Variants in LRRC4C observed in about 807,000 individuals in gnomAD.
The protein encoded by LRRC4C is leucine rich repeat containing 4C.
Under a neutral mutation model 33.6 loss-of-function variants are expected in LRRC4C, and 5 were observed. That is an observed-to-expected ratio of 0.15 (90% CI 0.08 to 0.31). The LOEUF (loss-of-function observed/expected upper bound fraction) is 0.31, where lower values mean the gene tolerates loss of function less well. Ranked by LOEUF, LRRC4C falls within the 10% of genes least tolerant of loss-of-function variation. The probability of loss-of-function intolerance (pLI) is 1.00; values close to 1 mark genes in which losing one functional copy is unlikely to be tolerated. For missense variants in LRRC4C, 560 were observed against 796.7 expected, an observed-to-expected ratio of 0.70 and a Z score of 3.58; for synonymous variants, 329 against 302.0, an observed-to-expected ratio of 1.09 and a Z score of -0.93.
At chr11:40,522,041 G>C (rs1955837162) in intron 3 of LRRC4C, among the ~76,000 whole-genome samples, 1 of 152,142 alleles carries the variant, frequency 6.6e-6, no homozygotes. Flanking sequence ...AGACAAAAGA[G>C]CAAGAGTTTC....
intron 1 of LRRC4C, among the ~76,000 whole-genome samples, chr11:41,451,627 G>C (rs1201482463): frequency 6.6e-6 from 1 of 152,090 alleles, no homozygotes; most frequent in East Asian, 1.9e-4. Flanking sequence ...GCATCAACCA[G>C]ATGAACACAG....
intron 1 of LRRC4C, among the ~76,000 whole-genome samples, chr11:40,965,328 C>A (rs1042937208): frequency 2.6e-5 from 4 of 152,078 alleles, no homozygotes; most frequent in African/African-American, 9.7e-5. Flanking sequence ...TGCCTGTTCA[C>A]TCTGATGGTG....
chr11:41,323,400 A>G (rs953114587), intron 1 of LRRC4C, among the ~76,000 whole-genome samples: 1 of 152,236 alleles, frequency 6.6e-6, no homozygotes, highest in Non-Finnish European at 1.5e-5. Flanking sequence ...TCTGATTTAA[A>G]GACTATATTA....
intron 2 of LRRC4C, among the ~76,000 whole-genome samples, chr11:40,792,082 G>A (rs1950645198): frequency 6.6e-6 from 1 of 151,986 alleles, no homozygotes; most frequent in East Asian, 1.9e-4. Flanking sequence ...TAAGCATCAA[G>A]AACCAGCAAA....
intron 3 of LRRC4C, among the ~76,000 whole-genome samples, chr11:40,408,642 T>C (rs1950045755): frequency 6.6e-6 from 1 of 151,970 alleles, no homozygotes; most frequent in Non-Finnish European, 1.5e-5. Context: ...TGTTTTTATA[T>C]GCCCCAAAAT....
intron 3 of LRRC4C, among the ~76,000 whole-genome samples, chr11:40,386,325 C>T (rs1949110181): frequency 6.6e-6 from 1 of 152,040 alleles, no homozygotes; most frequent in Non-Finnish European, 1.5e-5. Context: ...ACTTCTTGAC[C>T]TTAAGAATCA....
intron 1 of LRRC4C, among the ~76,000 whole-genome samples, chr11:41,333,111 AAGGT>A (rs1951346864): frequency 6.6e-6 from 1 of 152,246 alleles, no homozygotes; most frequent in Non-Finnish European, 1.5e-5. Flanking sequence ...ATTGCAAATT[AAGGT>A]ATTTTATACA....
intron 3 of LRRC4C, among the ~76,000 whole-genome samples, chr11:40,417,208 G>T (rs1950353962): frequency 6.6e-6 from 1 of 152,110 alleles, no homozygotes; most frequent in Non-Finnish European, 1.5e-5. Context: ...GTTCTTTCCA[G>T]TTTTCCCGTA....
chr11:40,893,165 C>T (rs879614977), intron 2 of LRRC4C, among the ~76,000 whole-genome samples: 1 of 151,894 alleles, frequency 6.6e-6, no homozygotes, highest in Non-Finnish European at 1.5e-5. Context: ...TTTGTGGGAA[C>T]TAAAACTTTA....
rs186282831 is a variant in LRRC4C, at chr11:40,974,780, G to A, written c.-495-41057C>T. ...GGATATCAAATTGGCTGGGGTCCAG[G>A]ATAGAAGAGAAAAAGAGAGCAAAGT... On this transcript the variant is annotated intron_variant, in intron 1 of 6. Transcript: ENST00000528697. Among the ~76,000 whole-genome samples the A allele has an allele frequency of 2.3e-4, 35 of 152,282 alleles. 1 individual carries two copies. The East Asian group carries it at 6.0e-3, about 26-fold the overall frequency.
At chr11:40,452,962 A>T (rs905466156) in intron 3 of LRRC4C, among the ~76,000 whole-genome samples, 13 of 147,756 alleles carry the variant, frequency 8.8e-5, no homozygotes, top group Admixed American at 2.0e-4. Flanking sequence ...GTTCTCACTC[A>T]TCGGTGGGAA....
At chr11:40,752,816 A>C (rs934162952) in intron 2 of LRRC4C, among the ~76,000 whole-genome samples, 2 of 152,140 alleles carry the variant, frequency 1.3e-5, no homozygotes, top group Non-Finnish European at 2.9e-5. Context: ...GAATACCTGC[A>C]CTTGCATGAT....
intron 5 of LRRC4C, among the ~76,000 whole-genome samples, chr11:40,182,524 A>G (rs1283861972): frequency 6.6e-6 from 1 of 152,224 alleles, no homozygotes; most frequent in South Asian, 2.1e-4. Context: ...TTTTCCAAAA[A>G]CTTCTTATTT....
rs1435055546 is a variant in LRRC4C, at chr11:41,409,627, C to A, written c.-496+49804G>T. Among the ~76,000 whole-genome samples, 3 of 152,142 alleles carry A rather than the reference C, an allele frequency of 2.0e-5. No homozygotes were observed. In the East Asian group the frequency reaches 5.8e-4, roughly 29 times the overall value. The stretch of plus-strand genomic sequence containing the variant: ...CTAATTTCAGGGTCTACATTTTAAC[C>A]ACTGGGCTTTAATGGGAGTAAGAAT... On this transcript the variant is annotated intron_variant, in intron 1 of 6. Transcript: ENST00000528697.
chr11:40,649,482 C>T (rs1260290448), intron 2 of LRRC4C, among the ~76,000 whole-genome samples: 1 of 152,102 alleles, frequency 6.6e-6, no homozygotes, highest in African/African-American at 2.4e-5. Context: ...ATGGTTGTCT[C>T]CCCTTGTTCC....
intron 2 of LRRC4C, among the ~76,000 whole-genome samples, chr11:40,671,137 T>C (rs1233302798): frequency 6.6e-6 from 1 of 152,192 alleles, no homozygotes; most frequent in Non-Finnish European, 1.5e-5. Context: ...AAAAAGTATG[T>C]ATCTATACTT....
chr11:41,307,891 G>A (rs1950546693), intron 1 of LRRC4C, among the ~76,000 whole-genome samples: 1 of 152,154 alleles, frequency 6.6e-6, no homozygotes, highest in African/African-American at 2.4e-5. Context: ...TCCTTTTGGG[G>A]AGACTAATTT....
intron 4 of LRRC4C, among the ~76,000 whole-genome samples, chr11:40,257,768 T>C (rs929647276): frequency 7.2e-5 from 11 of 152,164 alleles, no homozygotes; most frequent in Non-Finnish European, 1.5e-4. Context: ...GCAATCGCAA[T>C]TGCCTGAACA....
intron 1 of LRRC4C, among the ~76,000 whole-genome samples, chr11:41,220,452 T>G (rs1435875909): frequency 3.3e-5 from 5 of 150,680 alleles, no homozygotes; most frequent in Non-Finnish European, 5.9e-5. Flanking sequence ...CGGGGGGGTG[T>G]TATCCAAAAT....
Sources: gnomAD v4.1 joint callset for allele counts (sites outside exome capture counted in the v4.1 genomes callset) on GRCh38, gnomAD v4.1.1 for gene constraint, MANE v1.5 for transcripts, NCBI Gene and HGNC (gene_info 2026-07-23, HGNC 2026-07-21) for gene names.